Variants in SLC35F4 observed in about 807,000 individuals in gnomAD.
The protein encoded by SLC35F4 is chromosome 14 open reading frame 36.
A neutral mutation model predicts 44.2 loss-of-function variants in SLC35F4; 24 were observed. The observed-to-expected ratio is 0.54, with a 90% CI of 0.39 to 0.76. The LOEUF (loss-of-function observed/expected upper bound fraction) is 0.76, where lower values mean the gene tolerates loss of function less well. Ranked by LOEUF, SLC35F4 falls within the 30% of genes least tolerant of loss-of-function variation. SLC35F4 has a pLI of 0.00. For synonymous variants in SLC35F4, 238 were observed against 223.6 expected (o/e 1.06, Z -0.57); for missense variants, 562 against 586.1 (o/e 0.96, Z 0.42).
Position 57,909,219 on chromosome 14 carries a change from CCACT to C in SLC35F4, n.282+72690_282+72693del, listed in dbSNP as rs1889168111. Among the ~76,000 whole-genome samples the C allele has an allele frequency of 2.0e-5, 3 of 152,126 alleles. No individual in the cohort carries two copies. In the South Asian group the frequency reaches 6.2e-4, roughly 32 times the overall value. On this transcript the variant is annotated intron_variant and non_coding_transcript_variant, in intron 1 of 1. Coordinates refer to the SLC35F4 transcript ENST00000556568. Reference sequence around the variant, plus strand: ...TGTTTTTGCACATGGACAACCTCCCCCACTATCAGCACCCCACCCCATAGTGGTA... The same window carrying C: ...TGTTTTTGCACATGGACAACCTCCCCATCAGCACCCCACCCCATAGTGGTA...
intron 1 of SLC35F4, among the ~76,000 whole-genome samples, chr14:57,955,169 T>A: frequency 6.6e-6 from 1 of 151,956 alleles, no homozygotes; most frequent in East Asian, 1.9e-4. Flanking sequence ...ATCCATCACA[T>A]AAACAGGACC....
chr14:57,677,556 A>G (rs2074739000), intron 1 of SLC35F4, among the ~76,000 whole-genome samples: 1 of 152,058 alleles, frequency 6.6e-6, no homozygotes, highest in Admixed American at 6.6e-5. Flanking sequence ...TTTTATGACT[A>G]CGATGTTGAA....
intron 1 of SLC35F4, among the ~76,000 whole-genome samples, chr14:57,872,365 G>A (rs1020119383): frequency 6.6e-6 from 1 of 151,614 alleles, no homozygotes; most frequent in African/African-American, 2.4e-5. Context: ...CCCAGCTGAT[G>A]TGAGAGGAGG....
chr14:57,909,070 G>A (rs1456881360), intron 1 of SLC35F4, among the ~76,000 whole-genome samples: 1 of 152,090 alleles, frequency 6.6e-6, no homozygotes. Context: ...TTTTTGTCAG[G>A]TTTGTGGAAG....
intron 1 of SLC35F4, among the ~76,000 whole-genome samples, chr14:57,759,378 A>AAGCTTGAACCC (rs1424800154): frequency 2.6e-5 from 4 of 152,020 alleles, no homozygotes; most frequent in African/African-American, 4.8e-5. Flanking sequence ...CTAGGAGTGC[A>AAGCTTGAACCC]AGACCAGCCT....
intron 1 of SLC35F4, among the ~76,000 whole-genome samples, chr14:57,877,937 AGCC>A (rs1291505678): frequency 6.6e-6 from 1 of 151,922 alleles, no homozygotes; most frequent in Non-Finnish European, 1.5e-5. Context: ...ATCCTGACTC[AGCC>A]TCCCAAAGTG....
At chr14:57,839,168 A>AAATTTGG (rs761514882) in intron 1 of SLC35F4, among the ~76,000 whole-genome samples, 1 of 152,174 alleles carries the variant, frequency 6.6e-6, no homozygotes, top group Non-Finnish European at 1.5e-5. Context: ...AGCTGAATTC[A>AAATTTGG]AACTCTGGAT....
intron 1 of SLC35F4, among the ~76,000 whole-genome samples, chr14:57,814,054 T>C (rs1195689745): frequency 6.6e-6 from 1 of 152,250 alleles, no homozygotes; most frequent in Non-Finnish European, 1.5e-5. Flanking sequence ...AAGCCCAGGA[T>C]GCAGCTGTAT....
intron 1 of SLC35F4, among the ~76,000 whole-genome samples, chr14:57,953,375 T>G (rs1340480291): frequency 6.6e-6 from 1 of 152,130 alleles, no homozygotes; most frequent in East Asian, 1.9e-4. Context: ...CTGCATCAAC[T>G]AATGGGCAAA....
rs943301438 is a variant in SLC35F4 at position 57,784,664 on chromosome 14, C to G, written c.103+81059G>C. On this transcript the variant is annotated intron_variant, in intron 1 of 7. Transcript: ENST00000556826. ...TGCACTCTAGCCTGGGTAACAGAGA[C>G]TCTGTCTCTTCAAACACAACAAAAC... Among the ~76,000 whole-genome samples the G allele has an allele frequency of 2.6e-5, 4 of 152,146 alleles. No homozygotes were observed. In the South Asian group the frequency reaches 8.3e-4, roughly 32 times the overall value.
At chr14:57,907,580 C>G (rs751109622) in intron 1 of SLC35F4, among the ~76,000 whole-genome samples, 14 of 152,142 alleles carry the variant, frequency 9.2e-5, no homozygotes, top group Non-Finnish European at 1.9e-4. Context: ...TTAGCATTAA[C>G]AATCCCTATA....
At chr14:57,948,562 T>G (rs539866495) in intron 1 of SLC35F4, among the ~76,000 whole-genome samples, 1 of 152,192 alleles carries the variant, frequency 6.6e-6, no homozygotes, top group Admixed American at 6.5e-5. Flanking sequence ...TGTTATTTCT[T>G]TTCTTCTGCT....
At chr14:57,648,203 T>C (rs532120976) in intron 1 of SLC35F4, among the ~76,000 whole-genome samples, 34 of 152,316 alleles carry the variant, frequency 2.2e-4, no homozygotes, top group African/African-American at 7.9e-4. Context: ...GAAGAAATGA[T>C]ACATCATCAT....
chr14:57,766,140 A>T (rs1010217909), intron 1 of SLC35F4, among the ~76,000 whole-genome samples: 1 of 152,234 alleles, frequency 6.6e-6, no homozygotes, highest in Non-Finnish European at 1.5e-5. Context: ...CAGGAGGCAC[A>T]TAAAGGCTGA....
At chr14:57,824,509 T>C (rs1348319360) in intron 1 of SLC35F4, among the ~76,000 whole-genome samples, 1 of 152,202 alleles carries the variant, frequency 6.6e-6, no homozygotes, top group Non-Finnish European at 1.5e-5. Flanking sequence ...TAGAGACATG[T>C]AATATGTTTG....
chr14:57,953,444 A>C (rs1394871477), intron 1 of SLC35F4, among the ~76,000 whole-genome samples: 1 of 152,200 alleles, frequency 6.6e-6, no homozygotes, highest in Non-Finnish European at 1.5e-5. Context: ...ACTGACCTTA[A>C]ATGTAAACAG....
chr14:57,727,378 T>A (rs1217278118), intron 1 of SLC35F4, among the ~76,000 whole-genome samples: 1 of 152,058 alleles, frequency 6.6e-6, no homozygotes, highest in African/African-American at 2.4e-5. Context: ...TGATCTTTTA[T>A]GTTTTCTTCA....
intron 1 of SLC35F4, among the ~76,000 whole-genome samples, chr14:57,803,959 C>T (rs1400992958): frequency 6.6e-6 from 1 of 152,094 alleles, no homozygotes; most frequent in Non-Finnish European, 1.5e-5. Context: ...AAATCACTAG[C>T]ATTCCTGTAC....
chr14:57,966,834 A>T (rs1313923192), intron 1 of SLC35F4, among the ~76,000 whole-genome samples: 9 of 152,044 alleles, frequency 5.9e-5, no homozygotes, highest in Non-Finnish European at 1.0e-4. Flanking sequence ...ACATGGCGAA[A>T]CCCCGTCTCT....
Sources: gnomAD v4.1 joint callset for allele counts (sites outside exome capture counted in the v4.1 genomes callset) on GRCh38, gnomAD v4.1.1 for gene constraint, MANE v1.5 for transcripts, NCBI Gene and HGNC (gene_info 2026-07-23, HGNC 2026-07-21) for gene names.